The following NXPH1 variants were observed in gnomAD, a reference collection of about 807,000 sequenced individuals.
The protein encoded by NXPH1 is neurexophilin-1.
A neutral mutation model predicts 23.7 loss-of-function variants in NXPH1; 5 were observed. That is an observed-to-expected ratio of 0.21 (90% CI 0.11 to 0.44). The LOEUF (loss-of-function observed/expected upper bound fraction) is 0.44, where lower values mean the gene tolerates loss of function less well. NXPH1 is among the 20% of genes least tolerant of loss of function. The pLI, the probability that NXPH1 is intolerant of heterozygous loss-of-function variation, is 0.99. For synonymous variants in NXPH1, 144 were observed against 122.2 expected, an observed-to-expected ratio of 1.18 and a Z score of -1.18; for missense variants, 324 against 321.6, an observed-to-expected ratio of 1.01 and a Z score of -0.06.
intron 2 of NXPH1, among the ~76,000 whole-genome samples, chr7:8,710,640 G>GTTTTTTTTT (rs1368543367): frequency 3.6e-5 from 1 of 27,672 alleles, no homozygotes; most frequent in Non-Finnish European, 6.1e-5. Flanking sequence ...CAACTGTTAC[G>GTTTTTTTTT]TTTTTTGTTT....
chr7:8,594,242 T>C (rs1819165503), intron 2 of NXPH1, among the ~76,000 whole-genome samples: 1 of 152,102 alleles, frequency 6.6e-6, no homozygotes, highest in Non-Finnish European at 1.5e-5. Flanking sequence ...AAGAGTCTTT[T>C]TCACTCTGTA....
At chr7:8,577,299 A>G (rs1285554048) in intron 2 of NXPH1, among the ~76,000 whole-genome samples, 1 of 152,170 alleles carries the variant, frequency 6.6e-6, no homozygotes, top group Admixed American at 6.5e-5. Context: ...ATGCTAGTGG[A>G]TCAAGTAAGA....
chr7:8,581,079 T>C (rs899706023), intron 2 of NXPH1, among the ~76,000 whole-genome samples: 4 of 152,180 alleles, frequency 2.6e-5, no homozygotes, highest in African/African-American at 9.7e-5. Flanking sequence ...TCTACCATTC[T>C]AGAAATCTTT....
rs114322054 is a variant in NXPH1 at position 8,462,616 on chromosome 7, C to G, written c.54+26849C>G. ...ACTGCTAAGCTATGCTCCTTCCAGT[C>G]TCCTATTGATGAACATTTACATTAT... is the stretch of plus-strand genomic sequence containing the variant. On this transcript the variant is annotated intron_variant, in intron 2 of 2. Coordinates refer to ENST00000405863, the MANE Select transcript of NXPH1 (RefSeq NM_152745.3). Among the ~76,000 whole-genome samples the G allele has an allele frequency of 4.4e-3, 671 of 152,288 alleles. 4 individuals carry two copies. Among genetic ancestry groups the G allele is most frequent in the African/African-American group, 0.015 (638 of 41,574 alleles).
At chr7:8,738,141 C>T (rs766720357) in intron 2 of NXPH1, among the ~76,000 whole-genome samples, 1 of 152,262 alleles carries the variant, frequency 6.6e-6, no homozygotes, top group African/African-American at 2.4e-5. Context: ...TCTGTCCATT[C>T]GTCAAACTCA....
At chr7:8,721,477 G>A (rs1779968824) in intron 2 of NXPH1, among the ~76,000 whole-genome samples, 1 of 152,208 alleles carries the variant, frequency 6.6e-6, no homozygotes, top group Non-Finnish European at 1.5e-5. Context: ...CTTAAAGAAA[G>A]ACAGTTTCAC....
intron 2 of NXPH1, among the ~76,000 whole-genome samples, chr7:8,655,671 G>C (rs1820570383): frequency 6.6e-6 from 1 of 152,038 alleles, no homozygotes; most frequent in Non-Finnish European, 1.5e-5. Context: ...ATAGGATACT[G>C]CCCTTGTATG....
intron 2 of NXPH1, among the ~76,000 whole-genome samples, chr7:8,665,905 TTTTTTTC>T (rs1820753498): frequency 1.2e-5 from 1 of 84,514 alleles, no homozygotes; most frequent in African/African-American, 3.3e-5. Flanking sequence ...CTAAGAGGTT[TTTTTTTC>T]TTTTTCTTTT....
chr7:8,699,204 G>A (rs190625060), intron 2 of NXPH1, among the ~76,000 whole-genome samples: 14 of 152,134 alleles, frequency 9.2e-5, no homozygotes, highest in Non-Finnish European at 1.5e-4. Flanking sequence ...CATTTTAAAC[G>A]TGAAAACAGG....
At chr7:8,466,960 A>C (rs1315882801) in intron 2 of NXPH1, among the ~76,000 whole-genome samples, 1 of 152,012 alleles carries the variant, frequency 6.6e-6, no homozygotes, top group African/African-American at 2.4e-5. Flanking sequence ...AATTTTTCCA[A>C]ACCATAGTAG....
intron 2 of NXPH1, among the ~76,000 whole-genome samples, chr7:8,634,235 C>A (rs1416436155): frequency 6.6e-6 from 1 of 152,018 alleles, no homozygotes; most frequent in African/African-American, 2.4e-5. Flanking sequence ...ATGCTGTTCT[C>A]ATGATAGTGA....
At position 8,479,366 on chromosome 7, in the gene NXPH1, C is replaced by A. The variant is rs140058870; in HGVS notation, c.54+43599C>A. ...TAATTATGTGATTTTCTAATTCTGT[C>A]ATTCCTGTGTATCTTTGAGCATTAG... On this transcript the variant is annotated intron_variant, in intron 2 of 2. Coordinates refer to ENST00000405863, the MANE Select transcript of NXPH1 (RefSeq NM_152745.3). 8.8e-4 allele frequency among the ~76,000 whole-genome samples: 134 copies of A among 152,186 alleles called. 1 individual carries two copies. In the East Asian group the frequency reaches 0.021, roughly 24 times the overall value.
intron 2 of NXPH1, among the ~76,000 whole-genome samples, chr7:8,697,356 A>T (rs1455601167): frequency 6.6e-6 from 1 of 152,088 alleles, no homozygotes; most frequent in African/African-American, 2.4e-5. Flanking sequence ...ATAATGGATT[A>T]TAAGGGTAAG....
chr7:8,508,722 C>T (rs550340685), intron 2 of NXPH1, among the ~76,000 whole-genome samples: 106 of 152,148 alleles, frequency 7.0e-4, no homozygotes, highest in Middle Eastern at 3.4e-3. Context: ...TGTCTGGCCT[C>T]ATGTGCTGCA....
At chr7:8,572,795 G>A (rs931350909) in intron 2 of NXPH1, among the ~76,000 whole-genome samples, 6 of 151,744 alleles carry the variant, frequency 4.0e-5, no homozygotes, top group Non-Finnish European at 8.8e-5. Context: ...AACAGAATAT[G>A]CAATTAAAAA....
intron 2 of NXPH1, among the ~76,000 whole-genome samples, chr7:8,481,851 G>A (rs766067452): frequency 1.3e-5 from 2 of 152,068 alleles, no homozygotes; most frequent in Non-Finnish European, 2.9e-5. Context: ...GTAGTCCCCA[G>A]TGTCTATTGT....
chr7:8,569,470 C>A (rs576207958), intron 2 of NXPH1, among the ~76,000 whole-genome samples: 2 of 151,850 alleles, frequency 1.3e-5, no homozygotes, highest in Non-Finnish European at 2.9e-5. Flanking sequence ...TTTAAGATAT[C>A]TGTTAGCAAT....
chr7:8,587,670 G>A (rs990280073), intron 2 of NXPH1, among the ~76,000 whole-genome samples: 1 of 151,962 alleles, frequency 6.6e-6, no homozygotes, highest in Admixed American at 6.6e-5. Context: ...AGTGTGTGAT[G>A]TTCCCATCCC....
chr7:8,742,580 T>TACAGGTG (rs1780386090), intron 2 of NXPH1, among the ~76,000 whole-genome samples: 1 of 118,262 alleles, frequency 8.5e-6, no homozygotes, highest in Non-Finnish European at 2.0e-5. Context: ...AATTGGAAAA[T>TACAGGTG]ATATAATGTA....
Sources: gnomAD v4.1 joint callset for allele counts (sites outside exome capture counted in the v4.1 genomes callset) on GRCh38, gnomAD v4.1.1 for gene constraint, MANE v1.5 for transcripts, NCBI Gene and HGNC (gene_info 2026-07-23, HGNC 2026-07-21) for gene names.